The following ABHD4 variants were observed in gnomAD, a reference collection of about 807,000 sequenced individuals.
The protein encoded by ABHD4 is (Lyso)-N-acylphosphatidylethanolamine lipase.
In ABHD4, 35 loss-of-function variants were observed where a neutral mutation model predicts 42.3. The observed-to-expected ratio is 0.83, with a 90% CI of 0.63 to 1.10. The LOEUF is 1.10. Ranked by LOEUF, ABHD4 falls within the 50% of genes least tolerant of loss-of-function variation. ABHD4 has a pLI of 0.00. For synonymous variants in ABHD4, 169 were observed against 170.6 expected (o/e 0.99, Z 0.07); for missense variants, 389 against 454.8 (o/e 0.86, Z 1.32).
chr14:22,598,934 G>C (rs2037250224), intron 1 of ABHD4: 2 of 155,892 alleles, frequency 1.3e-5, no homozygotes, highest in Non-Finnish European at 2.8e-5. Flanking sequence ...TTCAGATTTA[G>C]AGCTATTGGG....
chr14:22,600,021 GGAAA>G (rs2037263909), intron 1 of ABHD4: 1 of 289,232 alleles, frequency 3.5e-6, no homozygotes, highest in African/African-American at 2.2e-5. Flanking sequence ...TTAGCTGGGG[GGAAA>G]GAAAGTTGAT....
chr14:22,605,152 A>G (rs572653333), intron 4 of ABHD4, among the ~76,000 whole-genome samples: 2 of 152,276 alleles, frequency 1.3e-5, no homozygotes, highest in South Asian at 4.1e-4. Context: ...AAAGGGAGAA[A>G]AGGAGGTGGA....
chr14:22,605,764 TC>T, intron 4 of ABHD4: 2 of 1,270,942 alleles, frequency 1.6e-6, no homozygotes, highest in Non-Finnish European at 1.0e-6. Flanking sequence ...CCTTCTTACC[TC>T]CCTCTTGCTT....
Position 22,602,180 on chromosome 14 carries a change from T to C in ABHD4, c.112+425T>C, listed in dbSNP as rs115859978. On this transcript the variant is annotated intron_variant, in intron 2 of 6. Transcript: ENST00000428304. The stretch of plus-strand genomic sequence containing the variant: ...GCATTCTCTGATGTTACTATTCCTG[T>C]GTTCTACCTGGTTTTGGCCCCCCAC... Among the ~76,000 whole-genome samples the C allele has an allele frequency of 5.5e-3, 835 of 152,278 alleles. 11 individuals carry two copies. The highest frequency in any genetic ancestry group is 0.019 in the African/African-American group (769 of 41,548).
intron 4 of ABHD4, 106 bp from the exon 5 acceptor site, chr14:22,606,316 T>G: frequency 1.3e-6 from 1 of 749,410 alleles, no homozygotes. Context: ...AACAAACCCT[T>G]AGGAGAAATA....
At chr14:22,604,988 C>T (rs1379848535) in intron 4 of ABHD4, among the ~76,000 whole-genome samples, 2 of 152,232 alleles carry the variant, frequency 1.3e-5, no homozygotes, top group African/African-American at 4.8e-5. Context: ...TCACCCAACA[C>T]CTGCAGCAGG....
Position 22,603,970 on chromosome 14 carries a change from A to G in ABHD4, c.531A>G (p.Arg177=). The stretch of plus-strand genomic sequence containing the variant: ...TGGACCCATGGGGCTTTCCCCTCCG[A>G]CCAACTAACCCCAGTGAGATCCGTG... ...ILVDPWGFPL[R]PTNPSEIRAP... Residue 177 remains arginine (R), a synonymous_variant, in exon 4 of 7, where the codon CGA becomes CGG. Coordinates refer to ENST00000428304, the MANE Select transcript of ABHD4 (RefSeq NM_022060.3). 6.2e-7 allele frequency: 1 copy of G among 1,614,196 alleles called. No individual in the cohort carries two copies. The highest frequency in any genetic ancestry group is 1.3e-5 in the African/African-American group (1 of 75,036).
intron 5 of ABHD4, among the ~76,000 whole-genome samples, chr14:22,606,941 C>G (rs535273739): frequency 2.5e-4 from 38 of 152,056 alleles, no homozygotes; most frequent in African/African-American, 8.7e-4. Context: ...GAAGTCTTCT[C>G]CTGTCCCGGG....
Position 22,598,318 on chromosome 14 carries a change from T to A in ABHD4, c.12T>A (p.Asp4Glu), listed in dbSNP as rs1191810762. Residue 4 changes from aspartate to glutamate, a missense_variant, in exon 1 of 7, where the codon GAT (aspartate) becomes GAA (glutamate). Asp to Glu is a conservative substitution (Grantham distance 45). This residue lies in a region of ABHD4 where 102 missense variants were observed against 128.3 expected (regional missense o/e 0.80). Transcript: ENST00000428304. ...AAGGCTTGTTTACTATGGCCGATGA[T>A]CTGGAGCAGCAGTGAGTTAATCCTG... is the stretch of plus-strand genomic sequence containing the variant. MADDLEQQSQGWLS... is the reference protein window; with the variant it reads MADELEQQSQGWLS... The A allele has an allele frequency of 1.9e-6, 3 of 1,551,588 alleles. No homozygotes were observed. Among genetic ancestry groups the A allele is most frequent in the African/African-American group, 1.4e-5 (1 of 73,060 alleles).
chr14:22,605,849 T>C, intron 4 of ABHD4: 1 of 1,287,968 alleles, frequency 7.8e-7, no homozygotes. Context: ...ACCTCATTTT[T>C]ACAGTCTGTT....
chr14:22,606,660 C>T lies in ABHD4; in HGVS notation c.752+127C>T, dbSNP rs919486799. Reference sequence around the variant, plus strand: ...TGACTCAGTTAGGTAAACACAGGCACTAGCAAGCCTGATCATTTCCAGAGA... The same window carrying T: ...TGACTCAGTTAGGTAAACACAGGCATTAGCAAGCCTGATCATTTCCAGAGA... On this transcript the variant is annotated intron_variant, in intron 5 of 6. Transcript: ENST00000428304. 4 of 642,916 alleles carry T rather than the reference C, an allele frequency of 6.2e-6. No homozygotes were observed. The Admixed American group carries it at 1.0e-4, about 17-fold the overall frequency. The allele number at this position is 642,916 out of a possible 1,614,324, so 39.8% of individuals were successfully genotyped here.
At chr14:22,601,117 C>A (rs530855336) in intron 1 of ABHD4, among the ~76,000 whole-genome samples, 1 of 152,264 alleles carries the variant, frequency 6.6e-6, no homozygotes, top group East Asian at 1.9e-4. Context: ...CCTACCCCAT[C>A]TCCATGGGTT....
At chr14:22,604,178 G>A in intron 4 of ABHD4, 99 bp downstream of exon 4, 1 of 1,379,412 alleles carries the variant, frequency 7.2e-7, no homozygotes, top group South Asian at 1.3e-5. Flanking sequence ...AATTGGCCTA[G>A]CCTTGTTATT....
At chr14:22,609,931 A>C (rs763927690) in intron 6 of ABHD4, 21 bp downstream of exon 6, 4 of 1,610,162 alleles carry the variant, frequency 2.5e-6, no homozygotes, top group Non-Finnish European at 3.4e-6. Flanking sequence ...CCACCCAAGG[A>C]GTGGAAATGA....
intron 1 of ABHD4, chr14:22,598,591 C>A: frequency 1.2e-6 from 1 of 862,702 alleles, no homozygotes; most frequent in Non-Finnish European, 1.8e-6. Flanking sequence ...CGCGAGTGCC[C>A]CTCATTCTCC....
intron 2 of ABHD4, 95 bp from the exon 3 acceptor site, chr14:22,603,295 G>A (rs1233257798): frequency 6.6e-7 from 1 of 1,506,190 alleles, no homozygotes. Flanking sequence ...GGAGGGTTCG[G>A]GAATGGAGAG....
chr14:22,609,555 G>A (rs1346520574), intron 5 of ABHD4, 169 bp from the exon 6 acceptor site: 2 of 630,694 alleles, frequency 3.2e-6, no homozygotes, highest in Non-Finnish European at 5.4e-6. Flanking sequence ...TTCTGTGATG[G>A]GAGGCCTCTG....
rs748199234 is a variant in ABHD4 at position 22,603,382 on chromosome 14, C to G, written c.113-8C>G. ...TATTGACTTACCATGGGATTCTTTCCTCCCCAGGTCTCCAGAATAAGTTCC... is the reference window on the plus strand; with the variant it reads ...TATTGACTTACCATGGGATTCTTTCGTCCCCAGGTCTCCAGAATAAGTTCC... On this transcript the variant is annotated splice_polypyrimidine_tract_variant and splice_region_variant and intron_variant, in intron 2 of 6. Coordinates refer to ENST00000428304, the MANE Select transcript of ABHD4 (RefSeq NM_022060.3). 6.2e-7 allele frequency: 1 copy of G among 1,614,086 alleles called. No homozygotes were observed. The highest frequency in any genetic ancestry group is 2.2e-5 in the East Asian group (1 of 44,886).
intron 5 of ABHD4, among the ~76,000 whole-genome samples, chr14:22,608,319 C>G (rs762055613): frequency 9.9e-5 from 15 of 152,186 alleles, no homozygotes; most frequent in Non-Finnish European, 1.5e-4. Flanking sequence ...AGCAGTGTCC[C>G]CAACCTGCCC....
Sources: allele counts gnomAD v4.1 joint callset (sites outside exome capture counted in the v4.1 genomes callset), GRCh38; gene constraint gnomAD v4.1.1; regional missense constraint gnomAD v4.1.1; transcripts MANE v1.5; gene names NCBI Gene and HGNC (gene_info 2026-07-23, HGNC 2026-07-21).